The following NYX variants were observed in gnomAD, a reference collection of about 807,000 sequenced individuals.
NYX encodes the protein leucine-rich repeat protein.
For missense variants in NYX, 481 were observed against 485.4 expected, an observed-to-expected ratio of 0.99 and a Z score of 0.09; for synonymous variants, 258 against 245.7, an observed-to-expected ratio of 1.05 and a Z score of -0.47.
At chrX:41,457,245 G>A (rs2064301811) in intron 2 of NYX, among the ~76,000 whole-genome samples, 1 of 102,443 alleles carries the variant, frequency 9.8e-6, no homozygotes, top group South Asian at 4.7e-4. Context: ...GGCGGAGGTT[G>A]CAGTGAGCCG....
intron 2 of NYX, among the ~76,000 whole-genome samples, chrX:41,461,956 C>T (rs1366299161): frequency 1.8e-5 from 2 of 110,689 alleles, no homozygotes; most frequent in Non-Finnish European, 3.8e-5. Context: ...CACGGGCCAC[C>T]ACGCCTGGCT....
chrX:41,449,253 C>A (rs1486080359), intron 2 of NYX, among the ~76,000 whole-genome samples: 1 of 111,955 alleles, frequency 8.9e-6, no homozygotes, highest in African/African-American at 3.2e-5. Flanking sequence ...ACCAGATCAT[C>A]TAAAACAGGA....
In NYX at chrX:41,461,484, G is replaced by T. The variant is rs1365904887; in HGVS notation, c.23-12007G>T. Among the ~76,000 whole-genome samples the T allele has an allele frequency of 2.7e-5, 3 of 109,382 alleles. No homozygotes were observed. In the Admixed American group the frequency reaches 3.0e-4, roughly 11 times the overall value. The allele number at this position is 109,382 out of a possible 115,157, so 95.0% of individuals were successfully genotyped here. A position where few individuals can be genotyped will look rare whatever the true frequency, so the allele number is the denominator to read the frequency against. ...TATTTTTGCAATTGCGAATTGTGCT[G>T]CTATAAACGTGCGTGCAAGGATCTT... On this transcript the variant is annotated intron_variant, in intron 2 of 2. Coordinates refer to ENST00000378220, the MANE Select transcript of NYX (RefSeq NM_001378477.3).
In NYX at chrX:41,463,819, C is replaced by G. The variant is rs763572653; in HGVS notation, c.23-9672C>G. Among the ~76,000 whole-genome samples, 12 of 111,475 alleles carry G rather than the reference C, an allele frequency of 1.1e-4. No homozygotes were observed. The East Asian group carries it at 3.4e-3, about 31-fold the overall frequency. On this transcript the variant is annotated intron_variant, in intron 2 of 2. Coordinates refer to ENST00000378220, the MANE Select transcript of NYX (RefSeq NM_001378477.3). ...CCTGACCTCAGGTGATCCACCCCCCCATCGGCCTCCCAAAGTGCTGGGATT... is the reference window on the plus strand; with the variant it reads ...CCTGACCTCAGGTGATCCACCCCCCGATCGGCCTCCCAAAGTGCTGGGATT...
Position 41,474,024 on chromosome X carries a change from C to T in NYX, c.556C>T (p.Arg186Cys). ...LANLTHAHLE[R>C]GRIEAVASSS... ...CAACCTGACGCACGCGCACCTGGAG[C>T]GCGGCCGCATCGAGGCGGTGGCCTC... Residue 186 changes from arginine to cysteine, a missense_variant, in exon 3 of 3, where the codon CGC becomes TGC. Coordinates refer to ENST00000378220, the MANE Select transcript of NYX (RefSeq NM_001378477.3). 9.5e-7 allele frequency: 1 copy of T among 1,052,659 alleles called. No homozygotes were observed. The highest frequency in any genetic ancestry group is 3.0e-4 in the Middle Eastern group (1 of 3,342). 86.8% of individuals were successfully genotyped at this position (1,052,659 alleles called of 1,213,427 possible). A position where few individuals can be genotyped will look rare whatever the true frequency, so the allele number is the denominator to read the frequency against.
At chrX:41,447,991 C>A in intron 2 of NYX, 65 bp downstream of exon 2, 1 of 1,102,430 alleles carries the variant, frequency 9.1e-7, no homozygotes, top group Non-Finnish European at 1.2e-6. Context: ...AGCTTCTGCC[C>A]AAAGAGTCTT....
intron 2 of NYX, among the ~76,000 whole-genome samples, chrX:41,464,495 A>G (rs776154163): frequency 8.9e-6 from 1 of 112,160 alleles, no homozygotes; most frequent in East Asian, 2.8e-4. Context: ...CAAAGTCTCC[A>G]TCTCCTAATA....
intron 2 of NYX, among the ~76,000 whole-genome samples, chrX:41,448,413 T>A (rs1443610708): frequency 9.3e-6 from 1 of 107,772 alleles, no homozygotes; most frequent in African/African-American, 3.4e-5. Flanking sequence ...TGGCTAATTT[T>A]TTGTATTTTT....
chrX:41,474,829 G>A lies in NYX; in HGVS notation c.1361G>A (p.Trp454Ter). The A allele has an allele frequency of 5.8e-6, 7 of 1,206,686 alleles. No homozygotes were observed. Among genetic ancestry groups the A allele is most frequent in the Non-Finnish European group, 7.8e-6 (7 of 893,886 alleles). The change falls in exon 3 of 3, where the codon TGG becomes TAG. Residue 454 changes from tryptophan (W) to a stop codon, truncating the protein, a stop_gained. Coordinates refer to ENST00000378220, the MANE Select transcript of NYX (RefSeq NM_001378477.3). LOFTEE classifies it low-confidence loss of function (END_TRUNC). ...RGVGGAGRQP[W>*]FLLASCLLPS... ...GTGGGAGGCGCGGGCCGGCAGCCCT[G>A]GTTTCTCCTCGCCTCTTGTCTCCTG...
At chrX:41,461,822 G>A (rs1352575856) in intron 2 of NYX, among the ~76,000 whole-genome samples, 1 of 110,743 alleles carries the variant, frequency 9.0e-6, no homozygotes, top group Non-Finnish European at 1.9e-5. Flanking sequence ...TTTTTCCTGA[G>A]ACACAGTCTC....
Position 41,475,129 on chromosome X carries a change from T to C in NYX, c.*230T>C, listed in dbSNP as rs2064386014. 2 of 436,503 alleles carry C rather than the reference T, an allele frequency of 4.6e-6. No homozygotes were observed. Among genetic ancestry groups the C allele is most frequent in the Non-Finnish European group, 8.1e-6 (2 of 248,244 alleles). 36.0% of individuals were successfully genotyped at this position (436,503 alleles called of 1,213,427 possible). ...ATCCATTGGAAAAGAGAAGCAAGAA[T>C]GAACGTGGGCCCTCGGGTGGGAAGA... On this transcript the variant is annotated 3_prime_UTR_variant, in exon 3 of 3. Coordinates refer to ENST00000378220, the MANE Select transcript of NYX (RefSeq NM_001378477.3).
chrX:41,472,195 C>T (rs933733424), intron 2 of NYX: 1 of 601,137 alleles, frequency 1.7e-6, no homozygotes, highest in Non-Finnish European at 2.5e-6. Context: ...GTTCCTGGCT[C>T]GGGAACATTG....
intron 2 of NYX, chrX:41,472,473 C>T (rs1311691780): frequency 7.6e-6 from 6 of 793,517 alleles, no homozygotes; most frequent in Non-Finnish European, 9.5e-6. Flanking sequence ...TCCCGAAGGG[C>T]GGCTCGGGCC....
intron 2 of NYX, among the ~76,000 whole-genome samples, chrX:41,469,482 T>C (rs1406236357): frequency 9.0e-6 from 1 of 110,712 alleles, no homozygotes; most frequent in African/African-American, 3.3e-5. Flanking sequence ...TCTTTTCCAT[T>C]GGTCCTCAAG....
intron 2 of NYX, among the ~76,000 whole-genome samples, chrX:41,449,660 C>G (rs2064271822): frequency 9.0e-6 from 1 of 110,956 alleles, no homozygotes. Context: ...AAACGTGCAC[C>G]AAAAGCTCTA....
chrX:41,450,469 C>T (rs1424712565), intron 2 of NYX, among the ~76,000 whole-genome samples: 3 of 109,907 alleles, frequency 2.7e-5, no homozygotes, highest in South Asian at 7.8e-4. Flanking sequence ...TGGGGTTTCA[C>T]CATGTTGGCC....
At chrX:41,462,584 T>C (rs1267357675) in intron 2 of NYX, among the ~76,000 whole-genome samples, 1 of 111,828 alleles carries the variant, frequency 8.9e-6, no homozygotes, top group Non-Finnish European at 1.9e-5. Context: ...GCCAGCATGG[T>C]TGGGTTCTGG....
At chrX:41,468,677 G>C (rs985978330) in intron 2 of NYX, among the ~76,000 whole-genome samples, 1 of 112,144 alleles carries the variant, frequency 8.9e-6, no homozygotes, top group Non-Finnish European at 1.9e-5. Context: ...CATACAGTGC[G>C]CCTGGAACAG....
rs760900596 is a variant in NYX, at chrX:41,474,079, G to A, written c.611G>A (p.Arg204His). Residue 204 changes from arginine (R) to histidine (H), a missense_variant, in exon 3 of 3, where the codon CGC (arginine) becomes CAC (histidine). Transcript: ENST00000378220. The stretch of plus-strand genomic sequence containing the variant: ...TCGCTGCAGGGCCTGCGCCGCCTGC[G>A]CTCGCTCAGCCTGCAGGCCAACCGC... ...SSSLQGLRRL[R>H]SLSLQANRVR... 19 of 1,084,775 alleles carry A rather than the reference G, an allele frequency of 1.8e-5. No individual in the cohort carries two copies. The highest frequency in any genetic ancestry group is 2.3e-5 in the South Asian group (1 of 43,476). The allele number at this position is 1,084,775 out of a possible 1,213,427, so 89.4% of individuals were successfully genotyped here.
Sources: gnomAD v4.1 joint callset for allele counts (sites outside exome capture counted in the v4.1 genomes callset) on GRCh38, gnomAD v4.1.1 for gene constraint, MANE v1.5 for transcripts, NCBI Gene and HGNC (gene_info 2026-07-23, HGNC 2026-07-21) for gene names.